The following CRADD variants were observed in gnomAD, a reference collection of about 807,000 sequenced individuals.
CRADD encodes the protein death domain-containing protein CRADD.
CRADD carries 9 observed loss-of-function variants against 15.5 expected under a neutral mutation model. That is an observed-to-expected ratio of 0.58 (90% CI 0.35 to 1.01). The LOEUF (loss-of-function observed/expected upper bound fraction) is 1.01, where lower values mean the gene tolerates loss of function less well. Ranked by LOEUF, CRADD falls within the 50% of genes least tolerant of loss-of-function variation. The pLI, the probability that CRADD is intolerant of heterozygous loss-of-function variation, is 0.02. For synonymous variants in CRADD, 118 were observed against 107.6 expected (o/e 1.10, Z -0.60); for missense variants, 227 against 250.3 (o/e 0.91, Z 0.63).
chr12:93,705,731 C>T lies in CRADD; in HGVS notation c.298+26659C>T, dbSNP rs545742240. On this transcript the variant is annotated intron_variant, in intron 2 of 2. Coordinates refer to ENST00000332896, the MANE Select transcript of CRADD (RefSeq NM_003805.5). Reference sequence around the variant, plus strand: ...GGAGCTGTTGATGTTCTCACTTAAACGAAAAAAAACATGATTTATATCCTC... The same window carrying T: ...GGAGCTGTTGATGTTCTCACTTAAATGAAAAAAAACATGATTTATATCCTC... 7.2e-5 allele frequency among the ~76,000 whole-genome samples: 11 copies of T among 151,972 alleles called. No homozygotes were observed. In the South Asian group the frequency reaches 1.0e-3, roughly 14 times the overall value.
chr12:93,818,302 T>C (rs2137015640), intron 2 of CRADD, among the ~76,000 whole-genome samples: 1 of 152,284 alleles, frequency 6.6e-6, no homozygotes, highest in South Asian at 2.1e-4. Context: ...GTATTTATAT[T>C]TGAAGAAGAT....
At chr12:93,788,770 A>G (rs1276606547) in intron 2 of CRADD, among the ~76,000 whole-genome samples, 1 of 152,084 alleles carries the variant, frequency 6.6e-6, no homozygotes, top group Non-Finnish European at 1.5e-5. Flanking sequence ...TGACCTATAC[A>G]AGGTTCAGTT....
intron 2 of CRADD, among the ~76,000 whole-genome samples, chr12:93,794,630 T>G (rs904623671): frequency 6.6e-6 from 1 of 152,128 alleles, no homozygotes; most frequent in Non-Finnish European, 1.5e-5. Context: ...CCATATCACC[T>G]CCTAATCCAT....
chr12:93,869,995 A>G (rs1251169354), intron 2 of CRADD, among the ~76,000 whole-genome samples: 2 of 152,180 alleles, frequency 1.3e-5, no homozygotes, highest in African/African-American at 4.8e-5. Context: ...TAATTGACAA[A>G]TGGCTGAAAA....
chr12:93,691,037 A>G (rs914705745), intron 2 of CRADD, among the ~76,000 whole-genome samples: 1 of 152,160 alleles, frequency 6.6e-6, no homozygotes, highest in Non-Finnish European at 1.5e-5. Context: ...ATTGATGTGG[A>G]CATTTTTGTT....
chr12:93,816,848 C>T (rs746424943), intron 2 of CRADD, among the ~76,000 whole-genome samples: 2 of 152,128 alleles, frequency 1.3e-5, no homozygotes, highest in Non-Finnish European at 2.9e-5. Flanking sequence ...GCACTAGAGT[C>T]ATAGGCTTAA....
At chr12:93,792,187 G>C (rs61929027) in intron 2 of CRADD, among the ~76,000 whole-genome samples, 13,314 of 152,146 alleles carry the variant, frequency 0.088, 890 homozygotes, top group African/African-American at 0.19. Flanking sequence ...TCTTAGGGGA[G>C]AACTGGCCTG....
At chr12:93,696,588 G>A (rs1955711493) in intron 2 of CRADD, among the ~76,000 whole-genome samples, 1 of 152,112 alleles carries the variant, frequency 6.6e-6, no homozygotes, top group African/African-American at 2.4e-5. Flanking sequence ...GAGGAGATGT[G>A]ATTGGGGAGA....
At chr12:93,796,600 C>CA (rs397813054) in intron 2 of CRADD, among the ~76,000 whole-genome samples, 54,892 of 113,644 alleles carry the variant, frequency 0.48, 11,601 homozygotes, top group East Asian at 0.78. Flanking sequence ...AAAACGGTGT[C>CA]AAAAAAAAAA....
At chr12:93,799,334 C>T (rs1957453174) in intron 2 of CRADD, among the ~76,000 whole-genome samples, 1 of 152,172 alleles carries the variant, frequency 6.6e-6, no homozygotes, top group African/African-American at 2.4e-5. Flanking sequence ...TGGCCACATT[C>T]AGACAATTTG....
chr12:93,681,920 G>A (rs12582135), intron 2 of CRADD, among the ~76,000 whole-genome samples: 35,070 of 152,018 alleles, frequency 0.23, 6,369 homozygotes, highest in East Asian at 0.49. Context: ...TATGTTTTTT[G>A]TGTGTGTGGG....
intron 2 of CRADD, among the ~76,000 whole-genome samples, chr12:93,808,771 G>A (rs1243304479): frequency 1.3e-5 from 2 of 152,046 alleles, no homozygotes; most frequent in African/African-American, 2.4e-5. Context: ...TGCTTGCCCA[G>A]GTCACCTCTG....
intron 2 of CRADD, among the ~76,000 whole-genome samples, chr12:93,863,905 A>G (rs73225064): frequency 2.0e-5 from 3 of 152,286 alleles, no homozygotes; most frequent in Non-Finnish European, 2.9e-5. Flanking sequence ...AAACAGCAGT[A>G]TACTAGAAAT....
In CRADD at chr12:93,766,194, A is replaced by C. The variant is rs192970317; in HGVS notation, c.299-83776A>C. ...ACAGCTTACACCAGTCAAGTTACTA[A>C]GTCTCTGGTTATTTTTGAGACTCTT... On this transcript the variant is annotated intron_variant, in intron 2 of 2. Coordinates refer to ENST00000332896, the MANE Select transcript of CRADD (RefSeq NM_003805.5). Among the ~76,000 whole-genome samples, 547 of 152,220 alleles carry C rather than the reference A, an allele frequency of 3.6e-3. 5 individuals are homozygous for C. The highest frequency in any genetic ancestry group is 0.027 in the Middle Eastern group (8 of 294).
chr12:93,874,784 C>G (rs544300156), intron 2 of CRADD, among the ~76,000 whole-genome samples: 5 of 151,928 alleles, frequency 3.3e-5, no homozygotes, highest in Admixed American at 6.6e-5. Flanking sequence ...AGAGAAGATG[C>G]TTGTCATTAT....
At chr12:93,732,830 A>G (rs930484861) in intron 2 of CRADD, among the ~76,000 whole-genome samples, 2 of 152,232 alleles carry the variant, frequency 1.3e-5, no homozygotes, top group African/African-American at 4.8e-5. Flanking sequence ...CTGGCAGATT[A>G]AATGTTCAGT....
chr12:93,799,137 A>G (rs12317149), intron 2 of CRADD, among the ~76,000 whole-genome samples: 12,062 of 152,214 alleles, frequency 0.079, 701 homozygotes, highest in African/African-American at 0.16. Context: ...TCTTTCTCAA[A>G]TTGGGATTTA....
At chr12:93,848,187 C>T (rs1182920161) in intron 2 of CRADD, among the ~76,000 whole-genome samples, 6 of 151,724 alleles carry the variant, frequency 4.0e-5, no homozygotes, top group Non-Finnish European at 5.9e-5. Context: ...TTATACAAGC[C>T]GTAAAATCAT....
chr12:93,818,092 G>A (rs1009242233), intron 2 of CRADD, among the ~76,000 whole-genome samples: 4 of 152,142 alleles, frequency 2.6e-5, no homozygotes, highest in Non-Finnish European at 4.4e-5. Flanking sequence ...TTCATGAACC[G>A]ATGTATAAAT....
Sources: allele counts gnomAD v4.1 joint callset (sites outside exome capture counted in the v4.1 genomes callset), GRCh38; gene constraint gnomAD v4.1.1; transcripts MANE v1.5; gene names NCBI Gene and HGNC (gene_info 2026-07-23, HGNC 2026-07-21).